The following CDK14 variants were observed in gnomAD, a reference collection of about 807,000 sequenced individuals.
CDK14 encodes cyclin dependent kinase 14, also known as cyclin-dependent kinase 14.
Under a neutral mutation model 60.7 loss-of-function variants are expected in CDK14, and 34 were observed. The ratio of observed to expected loss-of-function variants is 0.56; its 90% confidence interval spans 0.43 to 0.75. The LOEUF is 0.75. CDK14 is among the 30% of genes least tolerant of loss of function. The probability of loss-of-function intolerance (pLI) is 0.00; values close to 1 mark genes in which losing one functional copy is unlikely to be tolerated. For synonymous variants in CDK14, 197 were observed against 203.7 expected (o/e 0.97, Z 0.28); for missense variants, 482 against 564.1 (o/e 0.85, Z 1.47).
intron 10 of CDK14, among the ~76,000 whole-genome samples, chr7:91,020,986 G>A (rs1053257813): frequency 2.0e-5 from 3 of 152,138 alleles, no homozygotes; most frequent in Non-Finnish European, 2.9e-5. Context: ...GCTACAGGCT[G>A]TTCTCAGCTC....
At chr7:90,671,643 A>C (rs374827171) in intron 2 of CDK14, among the ~76,000 whole-genome samples, 2 of 152,084 alleles carry the variant, frequency 1.3e-5, no homozygotes, top group African/African-American at 4.8e-5. Context: ...AATAGGGGGC[A>C]TTTGATGGCA....
At chr7:90,752,357 C>T (rs1052954288) in intron 4 of CDK14, among the ~76,000 whole-genome samples, 1 of 151,672 alleles carries the variant, frequency 6.6e-6, no homozygotes, top group African/African-American at 2.4e-5. Context: ...GAATCAATAC[C>T]AAGAGGATTT....
intron 5 of CDK14, among the ~76,000 whole-genome samples, chr7:90,850,006 A>C (rs187019938): frequency 6.6e-6 from 1 of 152,100 alleles, no homozygotes; most frequent in East Asian, 1.9e-4. Context: ...GTGTGGAAAT[A>C]AAATAATGCC....
At chr7:91,093,970 A>T (rs1798906369) in intron 12 of CDK14, among the ~76,000 whole-genome samples, 1 of 152,118 alleles carries the variant, frequency 6.6e-6, no homozygotes, top group African/African-American at 2.4e-5. Flanking sequence ...TGGGAGCTAA[A>T]CATTGAGTAT....
Position 90,832,359 on chromosome 7 carries a change from A to G in CDK14, c.545-30816A>G, listed in dbSNP as rs114083366. On this transcript the variant is annotated intron_variant, in intron 5 of 14. Transcript: ENST00000380050. ...CCCACCTTCCCTGATGCTTGTAGTG[A>G]TGGAGAGGCCCAAGGGAAAGTTACA... Among the ~76,000 whole-genome samples the G allele has an allele frequency of 6.8e-3, 1,032 of 152,250 alleles. 18 individuals carry two copies. Among genetic ancestry groups the G allele is most frequent in the African/African-American group, 0.024 (999 of 41,554 alleles).
At chr7:91,048,968 A>G (rs1797312903) in intron 11 of CDK14, among the ~76,000 whole-genome samples, 1 of 151,908 alleles carries the variant, frequency 6.6e-6, no homozygotes. Context: ...TCGACCTTCC[A>G]GGTTCAAGTG....
At chr7:90,926,041 G>A (rs547716171) in intron 8 of CDK14, among the ~76,000 whole-genome samples, 11 of 152,190 alleles carry the variant, frequency 7.2e-5, no homozygotes, top group African/African-American at 2.6e-4. Flanking sequence ...AGTTAACATT[G>A]TGCCTGTTAC....
At chr7:91,061,215 G>A (rs1351578486) in intron 11 of CDK14, among the ~76,000 whole-genome samples, 6 of 151,994 alleles carry the variant, frequency 3.9e-5, no homozygotes, top group Non-Finnish European at 5.9e-5. Flanking sequence ...TTGTGCATTC[G>A]TCATGTAGTT....
At chr7:91,138,997 A>G (rs1800365429) in intron 14 of CDK14, among the ~76,000 whole-genome samples, 1 of 152,160 alleles carries the variant, frequency 6.6e-6, no homozygotes, top group Non-Finnish European at 1.5e-5. Context: ...TAACAAGCAG[A>G]CATCATTCGA....
intron 14 of CDK14, among the ~76,000 whole-genome samples, chr7:91,173,442 G>A (rs545486121): frequency 6.6e-6 from 1 of 151,700 alleles, no homozygotes; most frequent in Admixed American, 6.6e-5. Context: ...AAAAAAAAAG[G>A]TGGGGAGGAG....
chr7:90,766,300 A>G (rs995971390), intron 4 of CDK14, among the ~76,000 whole-genome samples: 15 of 152,216 alleles, frequency 9.9e-5, no homozygotes, highest in East Asian at 7.7e-4. Context: ...TTCACCTGTG[A>G]AAACAGGGTT....
chr7:91,167,099 C>CT (rs771063600), intron 14 of CDK14, among the ~76,000 whole-genome samples: 1 of 152,124 alleles, frequency 6.6e-6, no homozygotes, highest in Non-Finnish European at 1.5e-5. Context: ...AAGACAATCT[C>CT]TGAGTTTATT....
chr7:91,052,760 A>G (rs1046549527), intron 11 of CDK14, among the ~76,000 whole-genome samples: 1 of 152,248 alleles, frequency 6.6e-6, no homozygotes, highest in Non-Finnish European at 1.5e-5. Context: ...GAGCATTTCT[A>G]AAGTGGTTAT....
At position 90,955,731 on chromosome 7, in the gene CDK14, A is replaced by G; in HGVS notation, c.861A>G (p.Thr287=). Residue 287 remains threonine, a synonymous_variant, in exon 9 of 15, where the codon ACA becomes ACG. Coordinates refer to ENST00000380050, the MANE Select transcript of CDK14 (RefSeq NM_001287135.2). The part of the protein sequence containing the change: ...LARAKSVPSH[T]YSNEVVTLWY... ...GAGCAAAATCCGTCCCTAGCCACAC[A>G]TACTCCAACGAAGTGGTTACCTTGT... is the stretch of plus-strand genomic sequence containing the variant. 1 of 1,613,450 alleles carries G rather than the reference A, an allele frequency of 6.2e-7. No homozygotes were observed. The highest frequency in any genetic ancestry group is 1.3e-5 in the African/African-American group (1 of 75,018).
intron 4 of CDK14, among the ~76,000 whole-genome samples, chr7:90,756,177 A>G (rs1232393218): frequency 6.6e-6 from 1 of 152,236 alleles, no homozygotes; most frequent in Non-Finnish European, 1.5e-5. Context: ...AATATTCCAA[A>G]TAGTTCTCAC....
chr7:90,815,924 G>C (rs1469324893), intron 5 of CDK14, among the ~76,000 whole-genome samples: 1 of 152,018 alleles, frequency 6.6e-6, no homozygotes, highest in Non-Finnish European at 1.5e-5. Context: ...TCCGGGGATG[G>C]GGGGTAAGGG....
At position 91,175,792 on chromosome 7, in the gene CDK14, C is replaced by T. The variant is rs1220797832; in HGVS notation, c.*29-31373C>T. 3.6e-3 allele frequency among the ~76,000 whole-genome samples: 533 copies of T among 146,380 alleles called. 4 individuals are homozygous for T. Among genetic ancestry groups the T allele is most frequent in the African/African-American group, 0.013 (508 of 39,766 alleles). On this transcript the variant is annotated intron_variant, in intron 14 of 14. Transcript: ENST00000380050. ...AATATATATGCACCCAATACAGGAG[C>T]ACCCAGATTCATAAAGCAAGTCCTG... is the stretch of plus-strand genomic sequence containing the variant.
chr7:90,698,445 CA>C (rs1259583057), intron 2 of CDK14, among the ~76,000 whole-genome samples: 1 of 152,152 alleles, frequency 6.6e-6, no homozygotes, highest in East Asian at 1.9e-4. Flanking sequence ...TGGTATTTAA[CA>C]TGTGGATAGA....
chr7:90,753,601 G>A (rs892305398), intron 4 of CDK14, among the ~76,000 whole-genome samples: 2 of 152,010 alleles, frequency 1.3e-5, no homozygotes, highest in African/African-American at 2.4e-5. Context: ...CACTCTCGCC[G>A]CTCCTATTAA....
Sources: gnomAD v4.1 joint callset for allele counts (sites outside exome capture counted in the v4.1 genomes callset) on GRCh38, gnomAD v4.1.1 for gene constraint, MANE v1.5 for transcripts, NCBI Gene and HGNC (gene_info 2026-07-23, HGNC 2026-07-21) for gene names.